Variants in PTPRN2 observed in about 807,000 individuals in gnomAD.
PTPRN2 encodes the protein receptor-type tyrosine-protein phosphatase N2.
A neutral mutation model predicts 118.8 loss-of-function variants in PTPRN2; 74 were observed. That is an observed-to-expected ratio of 0.62 (90% CI 0.52 to 0.76). The LOEUF (loss-of-function observed/expected upper bound fraction) is 0.76. Among genes scored for constraint, PTPRN2 ranks in the 30% least tolerant of loss-of-function variants. PTPRN2 has a pLI of 0.00. For missense variants in PTPRN2, 1,481 were observed against 1,394.4 expected, an observed-to-expected ratio of 1.06 and a Z score of -0.99; for synonymous variants, 641 against 608.0, an observed-to-expected ratio of 1.05 and a Z score of -0.80.
At chr7:158,222,022 G>T (rs1828417738) in intron 3 of PTPRN2, among the ~76,000 whole-genome samples, 1 of 152,114 alleles carries the variant, frequency 6.6e-6, no homozygotes, top group Non-Finnish European at 1.5e-5. Context: ...AAACCAAAAT[G>T]AGATACTATT....
intron 2 of PTPRN2, among the ~76,000 whole-genome samples, chr7:158,470,979 G>A (rs1221539200): frequency 2.0e-5 from 3 of 152,066 alleles, no homozygotes; most frequent in East Asian, 3.9e-4. Flanking sequence ...GATTACGTGC[G>A]TGCACCACCA....
chr7:157,622,698 G>A lies in PTPRN2; in HGVS notation c.2197-1189C>T, dbSNP rs372087052. On this transcript the variant is annotated intron_variant, in intron 14 of 22. Coordinates refer to ENST00000389418, the MANE Select transcript of PTPRN2 (RefSeq NM_002847.5). This position sits in a 1 kb window ranked among gnomAD's most constrained non-coding sequence, Gnocchi z 5.3. ...CCTGTGCTGTTTGCGCGACACCCCC[G>A]CATCTGGGTGGGTGTGGTGGTGAGG... 5.9e-5 allele frequency among the ~76,000 whole-genome samples: 9 copies of A among 152,186 alleles called. No individual in the cohort carries two copies. Among genetic ancestry groups the A allele is most frequent in the South Asian group, 2.1e-4 (1 of 4,834 alleles).
At chr7:158,492,557 A>G (rs1401632493) in intron 1 of PTPRN2, among the ~76,000 whole-genome samples, 1 of 152,190 alleles carries the variant, frequency 6.6e-6, no homozygotes, top group Non-Finnish European at 1.5e-5. Flanking sequence ...ACTCCAGAGG[A>G]CTGATGAGAA....
At chr7:158,541,433 C>T (rs1227399071) in intron 1 of PTPRN2, 2 of 1,350,526 alleles carry the variant, frequency 1.5e-6, no homozygotes, top group African/African-American at 3.0e-5. Flanking sequence ...TACCTGCCCA[C>T]ATCTGCACCA....
chr7:157,933,876 G>C (rs1799546631), intron 11 of PTPRN2, among the ~76,000 whole-genome samples: 1 of 150,364 alleles, frequency 6.7e-6, no homozygotes. Context: ...CTGATTGACA[G>C]TTTTAGTGGA....
At chr7:157,776,264 TC>T (rs1803228387) in intron 12 of PTPRN2, among the ~76,000 whole-genome samples, 1 of 90,848 alleles carries the variant, frequency 1.1e-5, no homozygotes, top group African/African-American at 7.2e-5. Flanking sequence ...TCCTCCTCCC[TC>T]CTCTTCCTCT....
At chr7:158,558,234 C>G (rs1437832968) in intron 1 of PTPRN2, among the ~76,000 whole-genome samples, 1 of 152,214 alleles carries the variant, frequency 6.6e-6, no homozygotes, top group East Asian at 1.9e-4. Flanking sequence ...AATCCTCCCA[C>G]CTCAGCCTCC....
At position 158,553,991 on chromosome 7, in the gene PTPRN2, A is replaced by G. The variant is rs113152093; in HGVS notation, c.112+33567T>C. Among the ~76,000 whole-genome samples the G allele has an allele frequency of 5.3e-3, 795 of 151,194 alleles. 6 individuals carry two copies. Among genetic ancestry groups the G allele is most frequent in the African/African-American group, 0.019 (760 of 41,070 alleles). ...TTTCCTCATAGACTTGGGGGTCTAC[A>G]CCAATTTTGCTGTGTAAAGGCACAG... On this transcript the variant is annotated intron_variant, in intron 1 of 22. Transcript: ENST00000389418.
chr7:158,448,685 C>T (rs1401868151), intron 2 of PTPRN2, among the ~76,000 whole-genome samples: 1 of 152,184 alleles, frequency 6.6e-6, no homozygotes, highest in African/African-American at 2.4e-5. Flanking sequence ...ACAAGTGTTC[C>T]CCGGGGCTCC....
In PTPRN2 at chr7:158,110,954, A is replaced by G; in HGVS notation, c.1557-39T>C. 2.0e-6 allele frequency: 3 copies of G among 1,508,228 alleles called. No homozygotes were observed. In the African/African-American group the frequency reaches 4.1e-5, roughly 21 times the overall value. 93.4% of individuals were successfully genotyped at this position (1,508,228 alleles called of 1,614,324 possible). A position where few individuals can be genotyped will look rare whatever the true frequency, so the allele number is the denominator to read the frequency against. The stretch of plus-strand genomic sequence containing the variant: ...CAGGGATGGGGAGCAGTCACCACAG[A>G]GCCAGCAGTCCTGGAGAACTAAAGC... On this transcript the variant is annotated intron_variant, in intron 9 of 22. Transcript: ENST00000389418.
intron 10 of PTPRN2, among the ~76,000 whole-genome samples, chr7:158,092,339 T>G: frequency 4.8e-5 from 1 of 20,804 alleles, no homozygotes; most frequent in South Asian, 1.9e-3. Flanking sequence ...GATGGATAGA[T>G]GGGTGGGTGG....
intron 5 of PTPRN2, among the ~76,000 whole-genome samples, chr7:158,191,770 T>G (rs1825784784): frequency 6.6e-6 from 1 of 152,118 alleles, no homozygotes; most frequent in African/African-American, 2.4e-5. Flanking sequence ...GGGGTCTGTG[T>G]GCCCAGGGCA....
At position 157,583,485 on chromosome 7, in the gene PTPRN2, G is replaced by A. The variant is rs1800499031; in HGVS notation, c.2497-5345C>T. 6.6e-6 allele frequency among the ~76,000 whole-genome samples: 1 copy of A among 152,112 alleles called. No individual in the cohort carries two copies. The highest frequency in any genetic ancestry group is 1.5e-5 in the Non-Finnish European group (1 of 68,012). On this transcript the variant is annotated intron_variant, in intron 17 of 22. Transcript: ENST00000389418. The surrounding 1 kb of genome is among the most constrained non-coding windows in gnomAD (Gnocchi z 5.5). ...GGTGCTTCACCACACACAAAGAAAC[G>A]GTAACTACGCGAGGAGACGTGTATT...
chr7:157,954,526 G>A (rs1218790350), intron 11 of PTPRN2, among the ~76,000 whole-genome samples: 1 of 132,668 alleles, frequency 7.5e-6, no homozygotes, highest in African/African-American at 2.9e-5. Flanking sequence ...TGTGGTGCAC[G>A]TGTGCTGTGT....
At chr7:158,077,235 G>A (rs542926335) in intron 11 of PTPRN2, among the ~76,000 whole-genome samples, 2 of 152,098 alleles carry the variant, frequency 1.3e-5, no homozygotes, top group South Asian at 2.1e-4. Flanking sequence ...ATGTGGACCC[G>A]CTACATATGA....
intron 2 of PTPRN2, among the ~76,000 whole-genome samples, chr7:158,348,472 A>G (rs1807696213): frequency 8.0e-6 from 1 of 124,262 alleles, no homozygotes; most frequent in Middle Eastern, 4.2e-3. Flanking sequence ...CCCCATTCAC[A>G]GCCCCAGAGC....
intron 2 of PTPRN2, among the ~76,000 whole-genome samples, chr7:158,351,856 C>T (rs998185941): frequency 6.6e-6 from 1 of 151,690 alleles, no homozygotes; most frequent in African/African-American, 2.4e-5. Context: ...TTTCTGACCA[C>T]CCACTCCCAG....
At position 157,615,600 on chromosome 7, in the gene PTPRN2, C is replaced by G. The variant is rs1281691252; in HGVS notation, c.2344+5762G>C. 1 of 471,236 alleles carries G rather than the reference C, an allele frequency of 2.1e-6. No individual in the cohort carries two copies. Among genetic ancestry groups the G allele is most frequent in the Non-Finnish European group, 4.4e-6 (1 of 227,072 alleles). The allele number at this position is 471,236 out of a possible 1,614,324, so 29.2% of individuals were successfully genotyped here. Reference sequence around the variant, plus strand: ...GGGAAGTCCCGCGGTGGATCCGCGTCACGGGGGAGGATTGGCTCAGCACTG... The same window carrying G: ...GGGAAGTCCCGCGGTGGATCCGCGTGACGGGGGAGGATTGGCTCAGCACTG... On this transcript the variant is annotated intron_variant, in intron 15 of 22. Coordinates refer to ENST00000389418, the MANE Select transcript of PTPRN2 (RefSeq NM_002847.5). The surrounding 1 kb of genome is among the most constrained non-coding windows in gnomAD (Gnocchi z 4.3).
chr7:157,768,901 C>T (rs1014721709), intron 12 of PTPRN2, among the ~76,000 whole-genome samples: 3 of 152,102 alleles, frequency 2.0e-5, no homozygotes, highest in South Asian at 2.1e-4. Flanking sequence ...AGTTACTCGG[C>T]GAAGTCGACA....
Sources: allele counts gnomAD v4.1 joint callset (sites outside exome capture counted in the v4.1 genomes callset), GRCh38; gene constraint gnomAD v4.1.1; non-coding constraint Gnocchi (gnomAD v3.1); transcripts MANE v1.5; gene names NCBI Gene and HGNC (gene_info 2026-07-23, HGNC 2026-07-21).